ZNF541: variants seen among roughly 807,000 people sequenced by gnomAD.
ZNF541 encodes the protein zinc finger protein 541.
A neutral mutation model predicts 123.5 loss-of-function variants in ZNF541; 23 were observed. That is an observed-to-expected ratio of 0.19 (90% CI 0.13 to 0.26). The LOEUF (loss-of-function observed/expected upper bound fraction) is 0.26, where lower values mean the gene tolerates loss of function less well. ZNF541 is among the 10% of genes least tolerant of loss of function. ZNF541 has a pLI of 1.00. For synonymous variants in ZNF541, 751 were observed against 754.5 expected, an observed-to-expected ratio of 1.00 and a Z score of 0.08; for missense variants, 1,612 against 1,789.9, an observed-to-expected ratio of 0.90 and a Z score of 1.79.
Position 47,543,994 on chromosome 19 carries a change from G to A in ZNF541, c.2403+132C>T, listed in dbSNP as rs375666832. ...TTAGTGGGGAAAACCACAATCTTTC[G>A]GAACCTTAATTCCTTCCTCTGTAAA... is the stretch of plus-strand genomic sequence containing the variant. On this transcript the variant is annotated intron_variant, in intron 5 of 16. Transcript: ENST00000391901. The A allele has an allele frequency of 4.4e-5, 53 of 1,212,906 alleles. No individual in the cohort carries two copies. The East Asian group carries it at 7.5e-4, about 17-fold the overall frequency. The allele number at this position is 1,212,906 out of a possible 1,614,324, so 75.1% of individuals were successfully genotyped here.
At position 47,564,706 on chromosome 19, in the gene ZNF541, G is replaced by C. The variant is rs74818599; in HGVS notation, c.-99+7190C>G. On this transcript the variant is annotated intron_variant, in intron 2 of 16. Transcript: ENST00000391901. ...GAACAAGAAACCTTTCTACACTGCTGGTGGGAATGTAAACTAGTACAGCCA... is the reference window on the plus strand; with the variant it reads ...GAACAAGAAACCTTTCTACACTGCTCGTGGGAATGTAAACTAGTACAGCCA... Among the ~76,000 whole-genome samples, 366 of 152,300 alleles carry C rather than the reference G, an allele frequency of 2.4e-3. 1 individual carries two copies. The highest frequency in any genetic ancestry group is 8.3e-3 in the African/African-American group (347 of 41,558).
chr19:47,553,881 C>T lies in ZNF541; in HGVS notation c.307+1669G>A, dbSNP rs574192798. Among the ~76,000 whole-genome samples the T allele has an allele frequency of 1.1e-3, 171 of 152,236 alleles. No homozygotes were observed. The Middle Eastern group carries it at 0.014, about 12-fold the overall frequency. ...TTAATGCTCCGTCTGGGTAAACTGA[C>T]TTTGAGGAAAATATTCAAAGAACTA... On this transcript the variant is annotated intron_variant, in intron 3 of 16. Transcript: ENST00000391901.
chr19:47,565,652 T>C (rs1410878866), intron 2 of ZNF541, among the ~76,000 whole-genome samples: 3 of 152,132 alleles, frequency 2.0e-5, no homozygotes, highest in Non-Finnish European at 4.4e-5. Context: ...AAAGTAATTG[T>C]TTCAAGGAGC....
At position 47,532,966 on chromosome 19, in the gene ZNF541, A is replaced by G; in HGVS notation, c.3101T>C (p.Val1034Ala). Residue 1034 changes from valine to alanine, a missense_variant, in exon 10 of 17, where the codon GTG becomes GCG. Val to Ala is a moderately conservative substitution (Grantham distance 64). Transcript: ENST00000391901. ...DQLISSMLDQ[V>A]DGSFGICVVK... is the part of the protein sequence containing the mutation. ...CACACAGATGCCAAAGGACCCATCC[A>G]CTTGATCTAGAAAGCACAGAGTGAA... The G allele has an allele frequency of 6.5e-7, 1 of 1,549,570 alleles. No individual in the cohort carries two copies. Among genetic ancestry groups the G allele is most frequent in the Middle Eastern group, 1.7e-4 (1 of 5,984 alleles).
intron 3 of ZNF541, among the ~76,000 whole-genome samples, chr19:47,551,958 A>T (rs1282587987): frequency 6.6e-6 from 1 of 152,162 alleles, no homozygotes; most frequent in African/African-American, 2.4e-5. Context: ...CCTGGGTTCA[A>T]GTGATTCTCC....
intron 2 of ZNF541, among the ~76,000 whole-genome samples, chr19:47,559,133 G>A (rs2123332309): frequency 6.6e-6 from 1 of 151,996 alleles, no homozygotes; most frequent in South Asian, 2.1e-4. Context: ...CACTCTGGGA[G>A]GCCGAGGTGG....
Position 47,521,125 on chromosome 19 carries a change from A to G in ZNF541, c.*99T>C. 1 of 1,422,292 alleles carries G rather than the reference A, an allele frequency of 7.0e-7. No homozygotes were observed. The highest frequency in any genetic ancestry group is 2.5e-5 in the East Asian group (1 of 39,714). The allele number at this position is 1,422,292 out of a possible 1,614,324, so 88.1% of individuals were successfully genotyped here. ...GCAGGTTGGCCAACAGGGGACAGGG[A>G]GGGTGGGGGGAGGCAGAGGGGTGCC... On this transcript the variant is annotated 3_prime_UTR_variant, in exon 17 of 17. Coordinates refer to ENST00000391901, the MANE Select transcript of ZNF541 (RefSeq NM_001277075.3). This position sits in a 1 kb window ranked among gnomAD's most constrained non-coding sequence, Gnocchi z 4.2.
intron 4 of ZNF541, 135 bp downstream of exon 4, chr19:47,549,110 G>A: frequency 1.6e-6 from 2 of 1,215,064 alleles, no homozygotes; most frequent in South Asian, 3.0e-5. Flanking sequence ...CGGCTGAGCA[G>A]AGGTAATACA....
In ZNF541 at chr19:47,553,815, T is replaced by C. The variant is rs536687932; in HGVS notation, c.307+1735A>G. On this transcript the variant is annotated intron_variant, in intron 3 of 16. Coordinates refer to ENST00000391901, the MANE Select transcript of ZNF541 (RefSeq NM_001277075.3). ...TCAGCCTCCCAAAGTACTAGGATTA[T>C]AGGCATGAGCCACCATGTCCGGCCA... Among the ~76,000 whole-genome samples, 19 of 152,298 alleles carry C rather than the reference T, an allele frequency of 1.2e-4. No homozygotes were observed. The East Asian group carries it at 3.5e-3, about 28-fold the overall frequency.
At chr19:47,557,714 C>CTGTA (rs978989662) in intron 2 of ZNF541, among the ~76,000 whole-genome samples, 69 of 152,244 alleles carry the variant, frequency 4.5e-4, no homozygotes, top group Middle Eastern at 3.4e-3. Context: ...TGGCGTCTAT[C>CTGTA]TGTAGTCCCA....
chr19:47,543,675 C>T (rs1405926369), intron 5 of ZNF541, among the ~76,000 whole-genome samples: 6 of 148,182 alleles, frequency 4.0e-5, no homozygotes, highest in Non-Finnish European at 8.9e-5. Context: ...GGGTCTTGCT[C>T]TGTTGCCCAG....
At chr19:47,573,204 TCGCTCACGCGC>T (rs1971537694), upstream of ZNF541, among the ~76,000 whole-genome samples, 4 of 150,342 alleles carry the variant, frequency 2.7e-5, no homozygotes, top group South Asian at 6.2e-4. Context: ...CCGGATCTCC[TCGCTCACGCGC>T]GGCGCAGGCG....
At position 47,538,410 on chromosome 19, in the gene ZNF541, G is replaced by A. The variant is rs965850312; in HGVS notation, c.2826C>T (p.Asp942=). The change falls in exon 9 of 17, where the codon GAC becomes GAT. Residue 942 remains aspartate, a synonymous_variant. Transcript: ENST00000391901. ...TTCTCTGCTGGCTGCTCTCCTTGCT[G>A]TCTCGCTCCTCCCCGTCTTTCTCTT... ...MGQEKDGEER[D]SKESSQQRKR... 6.5e-7 allele frequency: 1 copy of A among 1,534,630 alleles called. No individual in the cohort carries two copies.
At chr19:47,559,615 C>A (rs147738551) in intron 2 of ZNF541, among the ~76,000 whole-genome samples, 1 of 151,922 alleles carries the variant, frequency 6.6e-6, no homozygotes, top group Non-Finnish European at 1.5e-5. Context: ...TTTAGGAGGC[C>A]GAGATGGGCA....
chr19:47,554,991 G>A (rs1014167647), intron 3 of ZNF541, among the ~76,000 whole-genome samples: 4 of 151,734 alleles, frequency 2.6e-5, no homozygotes, highest in Middle Eastern at 3.2e-3. Flanking sequence ...CTACTGGGGA[G>A]GCTGAGGCAG....
At position 47,521,408 on chromosome 19, in the gene ZNF541, A is replaced by G. The variant is rs1386546213; in HGVS notation, c.3888-31T>C. 1.9e-6 allele frequency: 3 copies of G among 1,551,086 alleles called. No homozygotes were observed. In the Admixed American group the frequency reaches 5.9e-5, roughly 30 times the overall value. ...GAGTCACCAGAGGACATGGGGTCAG[A>G]GCAGGGAGGAAGGGATCACAGGGGC... On this transcript the variant is annotated intron_variant, in intron 16 of 16. Coordinates refer to ENST00000391901, the MANE Select transcript of ZNF541 (RefSeq NM_001277075.3). The surrounding 1 kb of genome is among the most constrained non-coding windows in gnomAD (Gnocchi z 4.2).
chr19:47,551,834 G>T (rs1305631154), intron 3 of ZNF541, among the ~76,000 whole-genome samples: 1 of 151,992 alleles, frequency 6.6e-6, no homozygotes, highest in Non-Finnish European at 1.5e-5. Context: ...CATAGCACCT[G>T]GCTTAAACTG....
chr19:47,541,371 C>T (rs1181156337), intron 5 of ZNF541, among the ~76,000 whole-genome samples: 2 of 151,884 alleles, frequency 1.3e-5, no homozygotes, highest in Admixed American at 6.6e-5. Flanking sequence ...GAGCCATGAT[C>T]GTACAACTTC....
Position 47,520,954 on chromosome 19 carries a change from G to A in ZNF541, c.*270C>T. 1 of 434,886 alleles carries A rather than the reference G, an allele frequency of 2.3e-6. No homozygotes were observed. The allele number at this position is 434,886 out of a possible 1,614,324, so 26.9% of individuals were successfully genotyped here. On this transcript the variant is annotated 3_prime_UTR_variant, in exon 17 of 17. Transcript: ENST00000391901. Reference sequence around the variant, plus strand: ...AATTTTCCCCTCCCCAAGCCTCCCTGCTCTAGAAGTGGAAGGGAAAGAAGG... The same window carrying A: ...AATTTTCCCCTCCCCAAGCCTCCCTACTCTAGAAGTGGAAGGGAAAGAAGG...
Sources: allele counts gnomAD v4.1 joint callset (sites outside exome capture counted in the v4.1 genomes callset), GRCh38; gene constraint gnomAD v4.1.1; non-coding constraint Gnocchi (gnomAD v3.1); transcripts MANE v1.5; gene names NCBI Gene and HGNC (gene_info 2026-07-23, HGNC 2026-07-21).